Variants in PTPRO observed in about 807,000 individuals in gnomAD.
The protein encoded by PTPRO is protein tyrosine phosphatase receptor type O, also known as receptor-type tyrosine-protein phosphatase O.
Under a neutral mutation model 145.2 loss-of-function variants are expected in PTPRO, and 62 were observed. The observed-to-expected ratio is 0.43, with a 90% CI of 0.35 to 0.53. The LOEUF is 0.53. PTPRO is among the 20% of genes least tolerant of loss of function. The probability of loss-of-function intolerance (pLI) is 0.01; values close to 1 mark genes in which losing one functional copy is unlikely to be tolerated. For missense variants in PTPRO, 1,345 were observed against 1,482.7 expected, an observed-to-expected ratio of 0.91 and a Z score of 1.53; for synonymous variants, 565 against 514.7, an observed-to-expected ratio of 1.10 and a Z score of -1.32.
At chr12:15,589,835 G>A (rs1352966074) in intron 25 of PTPRO, among the ~76,000 whole-genome samples, 4 of 152,172 alleles carry the variant, frequency 2.6e-5, no homozygotes, top group Admixed American at 6.5e-5. Context: ...GGGTAGATTC[G>A]TAAGAGTAAA....
At chr12:15,408,339 C>A (rs554410652) in intron 1 of PTPRO, among the ~76,000 whole-genome samples, 1 of 152,272 alleles carries the variant, frequency 6.6e-6, no homozygotes, top group Non-Finnish European at 1.5e-5. Context: ...TTTTGATAAA[C>A]TGGCCATAGT....
chr12:15,579,047 T>C, intron 20 of PTPRO, 104 bp downstream of exon 20: 1 of 1,011,786 alleles, frequency 9.9e-7, no homozygotes, highest in South Asian at 1.3e-5. Flanking sequence ...CCACTTGTGG[T>C]CCGGATCTCA....
chr12:15,469,280 G>A (rs253822), intron 1 of PTPRO, among the ~76,000 whole-genome samples: 3,350 of 152,212 alleles, frequency 0.022, 121 homozygotes, highest in East Asian at 0.14. Context: ...AAAGAAGGAT[G>A]GAAAATAATA....
chr12:15,368,862 G>A (rs1289405672), intron 1 of PTPRO, among the ~76,000 whole-genome samples: 1 of 152,170 alleles, frequency 6.6e-6, no homozygotes, highest in Admixed American at 6.6e-5. Flanking sequence ...ATGACATAGA[G>A]GGTTGTCCCT....
chr12:15,523,155 A>G (rs1462332248), intron 10 of PTPRO, among the ~76,000 whole-genome samples: 1 of 152,254 alleles, frequency 6.6e-6, no homozygotes, highest in Non-Finnish European at 1.5e-5. Flanking sequence ...TACTTCATAT[A>G]TTACAAATTC....
chr12:15,585,097 A>G (rs945292128), intron 23 of PTPRO, among the ~76,000 whole-genome samples: 5 of 152,204 alleles, frequency 3.3e-5, no homozygotes, highest in African/African-American at 1.2e-4. Flanking sequence ...ACTAACTACA[A>G]TTTAATGATT....
chr12:15,354,861 CCACTAAGTAAATGTCAGTG>C (rs1458048153), intron 1 of PTPRO, among the ~76,000 whole-genome samples: 1 of 152,144 alleles, frequency 6.6e-6, no homozygotes, highest in African/African-American at 2.4e-5. Context: ...ATTCTAATAA[CCACTAAGTAAATGTCAGTG>C]CACTGTTGTA....
In PTPRO at chr12:15,504,654, A is replaced by G. The variant is rs377732821; in HGVS notation, c.1267+585A>G. 5.9e-5 allele frequency among the ~76,000 whole-genome samples: 9 copies of G among 152,304 alleles called. No homozygotes were observed. In the East Asian group the frequency reaches 1.5e-3, roughly 26 times the overall value. ...TGCACAAACAGTGCCTGCCTCTATA[A>G]CGTGTTTAGCTAAACTGACTATGTT... On this transcript the variant is annotated intron_variant, in intron 6 of 26. Coordinates refer to ENST00000281171, the MANE Select transcript of PTPRO (RefSeq NM_030667.3).
At chr12:15,516,509 G>T (rs377286912) in intron 8 of PTPRO, among the ~76,000 whole-genome samples, 1 of 78,948 alleles carries the variant, frequency 1.3e-5, no homozygotes, top group South Asian at 4.9e-4. Context: ...AGAAAAGAAA[G>T]AAAGAAAGAA....
intron 9 of PTPRO, chr12:15,517,167 G>A (rs1016752635): frequency 5.4e-5 from 33 of 609,318 alleles, no homozygotes; most frequent in Middle Eastern, 8.9e-4. Context: ...AGTTCCACGT[G>A]GCTGGGGAAG....
At chr12:15,575,845 G>A (rs1386551788) in intron 19 of PTPRO, among the ~76,000 whole-genome samples, 1 of 152,112 alleles carries the variant, frequency 6.6e-6, no homozygotes, top group Non-Finnish European at 1.5e-5. Context: ...GCAATTCCTT[G>A]GCTTGCAGCT....
At chr12:15,473,670 G>A (rs150373033) in intron 1 of PTPRO, among the ~76,000 whole-genome samples, 2 of 150,328 alleles carry the variant, frequency 1.3e-5, no homozygotes, top group African/African-American at 4.9e-5. Flanking sequence ...GGGAGGCTGA[G>A]GCAGCAGAAT....
At chr12:15,498,432 C>T (rs1171897018) in intron 3 of PTPRO, among the ~76,000 whole-genome samples, 2 of 152,208 alleles carry the variant, frequency 1.3e-5, no homozygotes, top group Non-Finnish European at 2.9e-5. Context: ...GTGGCGGGCG[C>T]CTGTAGTCCC....
At chr12:15,465,667 T>C (rs914822271) in intron 1 of PTPRO, among the ~76,000 whole-genome samples, 1 of 152,122 alleles carries the variant, frequency 6.6e-6, no homozygotes, top group Non-Finnish European at 1.5e-5. Flanking sequence ...TGTCAGATAT[T>C]TGAAGCAGGG....
At chr12:15,418,806 T>A (rs1940053474) in intron 1 of PTPRO, among the ~76,000 whole-genome samples, 1 of 151,744 alleles carries the variant, frequency 6.6e-6, no homozygotes, top group South Asian at 2.1e-4. Context: ...ACATCTTTTT[T>A]TTCCCCTAAG....
At chr12:15,571,220 G>A (rs11056563) in intron 19 of PTPRO, among the ~76,000 whole-genome samples, 28,891 of 152,088 alleles carry the variant, frequency 0.19, 2,887 homozygotes, top group Middle Eastern at 0.27. Context: ...AAAGAGAAAC[G>A]CAGCCAGAGA....
At chr12:15,512,106 T>C (rs1006447458) in intron 7 of PTPRO, among the ~76,000 whole-genome samples, 1 of 151,184 alleles carries the variant, frequency 6.6e-6, no homozygotes, top group African/African-American at 2.4e-5. Flanking sequence ...AATGTTTTTT[T>C]GTTTGTTTGT....
rs1942172610 is a variant in PTPRO, at chr12:15,499,427, A to G, written c.509-15A>G. 1 of 1,610,280 alleles carries G rather than the reference A, an allele frequency of 6.2e-7. No homozygotes were observed. Among genetic ancestry groups the G allele is most frequent in the Non-Finnish European group, 8.5e-7 (1 of 1,176,696 alleles). ...GAAGACCATATTTTTCATGTAATTG[A>G]TTTTCTCTTCACAGATTTCTTTAAG... On this transcript the variant is annotated splice_polypyrimidine_tract_variant and intron_variant, in intron 3 of 26. Transcript: ENST00000281171.
At chr12:15,397,054 T>C (rs1939360606) in intron 1 of PTPRO, among the ~76,000 whole-genome samples, 1 of 152,174 alleles carries the variant, frequency 6.6e-6, no homozygotes, top group African/African-American at 2.4e-5. Context: ...CACTAAATTC[T>C]AAGACCATTA....
Sources: allele counts gnomAD v4.1 joint callset (sites outside exome capture counted in the v4.1 genomes callset), GRCh38; gene constraint gnomAD v4.1.1; transcripts MANE v1.5; gene names NCBI Gene and HGNC (gene_info 2026-07-23, HGNC 2026-07-21).